Variants in CFDP1 observed in about 807,000 individuals in gnomAD.
CFDP1 encodes the protein chromatin remodeling protein CFDP1, also known as heterochromatin-stabilizing protein CFDP1.
CFDP1 carries 31 observed loss-of-function variants against 40.1 expected under a neutral mutation model. The observed-to-expected ratio is 0.77, with a 90% CI of 0.58 to 1.04. The LOEUF (loss-of-function observed/expected upper bound fraction) is 1.04, where lower values mean the gene tolerates loss of function less well. Ranked by LOEUF, CFDP1 falls within the 50% of genes least tolerant of loss-of-function variation. CFDP1 has a pLI of 0.00. For synonymous variants in CFDP1, 167 were observed against 120.0 expected, an observed-to-expected ratio of 1.39 and a Z score of -2.56; for missense variants, 423 against 343.4, an observed-to-expected ratio of 1.23 and a Z score of -1.83.
intron 5 of CFDP1, among the ~76,000 whole-genome samples, chr16:75,387,389 C>A (rs1032066237): frequency 2.6e-5 from 4 of 152,228 alleles, no homozygotes; most frequent in Non-Finnish European, 5.9e-5. Context: ...GATCCACCCG[C>A]CTCGGCCTCC....
At chr16:75,364,892 A>G (rs1266963306) in intron 5 of CFDP1, among the ~76,000 whole-genome samples, 1 of 152,180 alleles carries the variant, frequency 6.6e-6, no homozygotes, top group Non-Finnish European at 1.5e-5. Flanking sequence ...GAGAACCACT[A>G]AACATTTATA....
At chr16:75,347,562 C>T (rs2078578272) in intron 5 of CFDP1, among the ~76,000 whole-genome samples, 1 of 151,590 alleles carries the variant, frequency 6.6e-6, no homozygotes, top group African/African-American at 2.4e-5. Flanking sequence ...ACCTGTAGTC[C>T]CAGCTACTCG....
chr16:75,410,862 C>T (rs34279956), intron 4 of CFDP1, among the ~76,000 whole-genome samples: 75,150 of 143,486 alleles, frequency 0.52, 20,421 homozygotes, highest in Admixed American at 0.65. Context: ...TGAGCCGAGA[C>T]TGTGCCACTG....
chr16:75,305,018 T>C lies in CFDP1; in HGVS notation c.809+6A>G, dbSNP rs764712798. The C allele has an allele frequency of 1.2e-6, 2 of 1,613,628 alleles. No homozygotes were observed. The highest frequency in any genetic ancestry group is 1.7e-6 in the Non-Finnish European group (2 of 1,179,824). ...TTTCCAAGGCATAAAACCTACTCCT[T>C]CTTACCCCTCTTTCCCTCGATTATG... is the stretch of plus-strand genomic sequence containing the variant. On this transcript the variant is annotated splice_donor_region_variant and intron_variant, in intron 6 of 6. Coordinates refer to ENST00000283882, the MANE Select transcript of CFDP1 (RefSeq NM_006324.3).
chr16:75,370,789 C>A (rs552395207), intron 5 of CFDP1, among the ~76,000 whole-genome samples: 1 of 152,170 alleles, frequency 6.6e-6, no homozygotes, highest in Non-Finnish European at 1.5e-5. Context: ...TTGAACCCAG[C>A]AGGCAGAGGC....
chr16:75,355,586 C>T (rs1074961), intron 5 of CFDP1, among the ~76,000 whole-genome samples: 125,300 of 152,138 alleles, frequency 0.82, 51,787 homozygotes, highest in Middle Eastern at 0.91. Flanking sequence ...CTGATATGGT[C>T]TGACTCTGTA....
At chr16:75,313,228 T>C (rs961972616) in intron 5 of CFDP1, among the ~76,000 whole-genome samples, 1 of 152,194 alleles carries the variant, frequency 6.6e-6, no homozygotes, top group African/African-American at 2.4e-5. Context: ...CACCCTTCCT[T>C]GGTGCACGTA....
chr16:75,324,809 T>C (rs1321336787), intron 5 of CFDP1: 1 of 151,978 alleles, frequency 6.6e-6, no homozygotes, highest in African/African-American at 2.4e-5. Flanking sequence ...AGAAGTTGCT[T>C]GTTCTTTTTT....
intron 5 of CFDP1, among the ~76,000 whole-genome samples, chr16:75,326,556 G>A (rs2078402617): frequency 1.3e-5 from 2 of 152,192 alleles, no homozygotes; most frequent in Non-Finnish European, 1.5e-5. Flanking sequence ...TTCCTCTCTC[G>A]TTCAGTGGTC....
chr16:75,324,821 G>T (rs890097278), intron 5 of CFDP1: 2 of 150,880 alleles, frequency 1.3e-5, no homozygotes, highest in African/African-American at 2.4e-5. Flanking sequence ...TTCTTTTTTC[G>T]AGGCTAAGTC....
chr16:75,341,563 G>A (rs1013356893), intron 5 of CFDP1, among the ~76,000 whole-genome samples: 1 of 152,002 alleles, frequency 6.6e-6, no homozygotes, highest in African/African-American at 2.4e-5. Context: ...AACCCTCTCA[G>A]TGAGGGGATT....
intron 5 of CFDP1, among the ~76,000 whole-genome samples, chr16:75,310,163 T>A (rs999221961): frequency 6.6e-6 from 1 of 152,224 alleles, no homozygotes; most frequent in Non-Finnish European, 1.5e-5. Flanking sequence ...CTTACTACCA[T>A]AAATTTGATG....
At chr16:75,415,934 C>T (rs545394138) in intron 1 of CFDP1, among the ~76,000 whole-genome samples, 11 of 152,166 alleles carry the variant, frequency 7.2e-5, no homozygotes, top group Non-Finnish European at 1.3e-4. Context: ...CTCACTACAA[C>T]CTCTGCCTCC....
chr16:75,294,116 A>T, intron 6 of CFDP1, 74 bp from the exon 7 acceptor site: 1 of 1,110,994 alleles, frequency 9.0e-7, no homozygotes, highest in Non-Finnish European at 1.4e-6. Flanking sequence ...CCCATCCCCC[A>T]GGGATAAACT....
At chr16:75,351,386 T>C (rs891510462) in intron 5 of CFDP1, among the ~76,000 whole-genome samples, 3 of 152,214 alleles carry the variant, frequency 2.0e-5, no homozygotes, top group Non-Finnish European at 4.4e-5. Flanking sequence ...AGATGACTAA[T>C]ACCAGGTCTG....
chr16:75,373,171 C>G (rs2151541440), intron 5 of CFDP1, among the ~76,000 whole-genome samples: 1 of 152,314 alleles, frequency 6.6e-6, no homozygotes, highest in African/African-American at 2.4e-5. Context: ...TATCCAGTTA[C>G]ATGTGCTAAG....
chr16:75,345,242 A>C (rs2078554190), intron 5 of CFDP1, among the ~76,000 whole-genome samples: 2 of 152,034 alleles, frequency 1.3e-5, no homozygotes, highest in South Asian at 4.2e-4. Context: ...GGATCACTTA[A>C]GGTCAGGAGT....
chr16:75,296,243 C>T (rs1406571452), intron 6 of CFDP1, among the ~76,000 whole-genome samples: 1 of 152,018 alleles, frequency 6.6e-6, no homozygotes, highest in Non-Finnish European at 1.5e-5. Context: ...GGTCTTTCTT[C>T]CTGACTTTAT....
chr16:75,300,712 T>C (rs1016972908), intron 6 of CFDP1, among the ~76,000 whole-genome samples: 1 of 152,146 alleles, frequency 6.6e-6, no homozygotes, highest in Non-Finnish European at 1.5e-5. Flanking sequence ...TTGATGTGTC[T>C]TGGACAACCA....
Sources: allele counts gnomAD v4.1 joint callset (sites outside exome capture counted in the v4.1 genomes callset), GRCh38; gene constraint gnomAD v4.1.1; transcripts MANE v1.5; gene names NCBI Gene and HGNC (gene_info 2026-07-23, HGNC 2026-07-21).